MAP3K15: variants seen among roughly 807,000 people sequenced by gnomAD.
MAP3K15 encodes MAPK/ERK kinase kinase 15.
In MAP3K15, 124 loss-of-function variants were observed where a neutral mutation model predicts 99.5. The observed-to-expected ratio is 1.25, with a 90% CI of 1.08 to 1.45. MAP3K15 has a LOEUF of 1.45. Among genes scored for constraint, MAP3K15 ranks in the 40% most tolerant of loss-of-function variants. The pLI is 0.00. For synonymous variants in MAP3K15, 494 were observed against 439.6 expected (o/e 1.12, Z -1.55); for missense variants, 1,242 against 1,079.7 (o/e 1.15, Z -2.11).
At chrX:19,459,377 T>C (rs1044592683) in intron 5 of MAP3K15, among the ~76,000 whole-genome samples, 1 of 112,354 alleles carries the variant, frequency 8.9e-6, no homozygotes, top group African/African-American at 3.2e-5. Flanking sequence ...CAATGCCTAG[T>C]GTAAAGTTCA....
intron 1 of MAP3K15, among the ~76,000 whole-genome samples, chrX:19,491,792 T>C (rs1290470688): frequency 9.0e-6 from 1 of 110,560 alleles, no homozygotes; most frequent in Non-Finnish European, 1.9e-5. Context: ...CAAGCTATTC[T>C]TGTGCCTTGG....
Position 19,425,513 on chromosome X carries a change from C to T in MAP3K15, c.1439+18G>A. 3.4e-6 allele frequency: 4 copies of T among 1,181,709 alleles called. No homozygotes were observed. Among genetic ancestry groups the T allele is most frequent in the Non-Finnish European group, 4.5e-6 (4 of 884,133 alleles). On this transcript the variant is annotated intron_variant, in intron 9 of 28. Transcript: ENST00000338883. ...CATGTATTGAGATGGGTGATGACAACACACAGACACAACTCACCAGACTGG... is the reference window on the plus strand; with the variant it reads ...CATGTATTGAGATGGGTGATGACAATACACAGACACAACTCACCAGACTGG...
chrX:19,422,769 G>A (rs773591331), intron 9 of MAP3K15, among the ~76,000 whole-genome samples: 1 of 111,621 alleles, frequency 9.0e-6, no homozygotes, highest in South Asian at 3.8e-4. Flanking sequence ...CAAACACTTG[G>A]AACCAAGCCA....
chrX:19,392,488 A>G lies in MAP3K15; in HGVS notation c.2195-15T>C. On this transcript the variant is annotated splice_polypyrimidine_tract_variant and intron_variant, in intron 16 of 28. Coordinates refer to ENST00000338883, the MANE Select transcript of MAP3K15 (RefSeq NM_001001671.4). ...AGAAAGGCTTCCTAGAGACAGTCACAGCAAAAAACTTATCAGGAAGAGAAA... is the reference window on the plus strand; with the variant it reads ...AGAAAGGCTTCCTAGAGACAGTCACGGCAAAAAACTTATCAGGAAGAGAAA... 8.4e-7 allele frequency: 1 copy of G among 1,196,577 alleles called. No individual in the cohort carries two copies. The highest frequency in any genetic ancestry group is 1.1e-6 in the Non-Finnish European group (1 of 889,620).
chrX:19,452,842 C>T (rs1011865802), intron 6 of MAP3K15, among the ~76,000 whole-genome samples: 16 of 110,635 alleles, frequency 1.4e-4, no homozygotes, highest in Non-Finnish European at 3.8e-5. Context: ...ATGAGGTTTT[C>T]TTGCAATTTT....
intron 16 of MAP3K15, 109 bp from the exon 17 acceptor site, chrX:19,392,582 C>T: frequency 1.3e-6 from 1 of 777,307 alleles, no homozygotes; most frequent in Non-Finnish European, 1.9e-6. Context: ...CTTACACCAA[C>T]ACCATCGGAT....
intron 9 of MAP3K15, among the ~76,000 whole-genome samples, chrX:19,416,564 T>C (rs1262881824): frequency 1.8e-5 from 2 of 111,423 alleles, no homozygotes; most frequent in African/African-American, 3.3e-5. Context: ...AGAAAAGTCA[T>C]GACATTACCA....
At chrX:19,364,238 C>T (rs765959204) in intron 25 of MAP3K15, among the ~76,000 whole-genome samples, 12 of 112,128 alleles carry the variant, frequency 1.1e-4, no homozygotes, top group Non-Finnish European at 1.7e-4. Context: ...CTCCTGAAAC[C>T]CAGTCTTGCT....
chrX:19,498,850 T>C (rs2064423611), intron 1 of MAP3K15, among the ~76,000 whole-genome samples: 1 of 111,920 alleles, frequency 8.9e-6, no homozygotes, highest in African/African-American at 3.2e-5. Context: ...GAAGAACACA[T>C]AAAAGAGTTC....
At chrX:19,398,930 A>T (rs892236249) in intron 14 of MAP3K15, among the ~76,000 whole-genome samples, 4 of 112,188 alleles carry the variant, frequency 3.6e-5, no homozygotes, top group African/African-American at 1.3e-4. Context: ...AAGCTGTCAC[A>T]TACAGATGCA....
intron 12 of MAP3K15, among the ~76,000 whole-genome samples, chrX:19,408,046 A>C (rs1373023679): frequency 8.9e-6 from 1 of 112,566 alleles, no homozygotes; most frequent in Non-Finnish European, 1.9e-5. Flanking sequence ...CATGACAAAC[A>C]CTGGGTTGGA....
In MAP3K15 at chrX:19,429,760, AAGAGAG is replaced by A. The variant is rs369383239; in HGVS notation, c.1166+1672_1166+1677del. On this transcript the variant is annotated intron_variant, in intron 7 of 28. Coordinates refer to ENST00000338883, the MANE Select transcript of MAP3K15 (RefSeq NM_001001671.4). ...CAGAGCCTCCTGTGTGTATGAAAGG[AAGAGAG>A]AGAGAGAGAGAGAGAGAGAGAGAGA... 4.6e-3 allele frequency among the ~76,000 whole-genome samples: 154 copies of A among 33,120 alleles called. 3 individuals are homozygous for A. The highest frequency in any genetic ancestry group is 6.9e-3 in the Non-Finnish European group (91 of 13,194). 28.8% of individuals were successfully genotyped at this position (33,120 alleles called of 115,157 possible). A position where few individuals can be genotyped will look rare whatever the true frequency, so the allele number is the denominator to read the frequency against.
chrX:19,509,893 T>C (rs888755161), intron 1 of MAP3K15, among the ~76,000 whole-genome samples: 11 of 110,643 alleles, frequency 9.9e-5, no homozygotes, highest in Non-Finnish European at 1.1e-4. Flanking sequence ...ATAGACACAA[T>C]AGAAAATGAT....
chrX:19,387,744 A>G (rs761371454), intron 18 of MAP3K15, among the ~76,000 whole-genome samples: 16 of 111,737 alleles, frequency 1.4e-4, no homozygotes, highest in Non-Finnish European at 2.3e-4. Context: ...GGGCTGCCCA[A>G]TAAAAAAATA....
intron 19 of MAP3K15, among the ~76,000 whole-genome samples, chrX:19,378,226 C>G (rs1036592996): frequency 8.9e-6 from 1 of 112,534 alleles, no homozygotes; most frequent in African/African-American, 3.2e-5. Flanking sequence ...GCGGCCTCAT[C>G]ATCCATAAGC....
At chrX:19,452,803 T>C (rs1286436293) in intron 6 of MAP3K15, among the ~76,000 whole-genome samples, 3 of 111,824 alleles carry the variant, frequency 2.7e-5, no homozygotes, top group Non-Finnish European at 5.6e-5. Context: ...TGCAGCCCAA[T>C]ACCAATGCGT....
chrX:19,466,320 C>T (rs750711283), intron 3 of MAP3K15, among the ~76,000 whole-genome samples: 67 of 111,933 alleles, frequency 6.0e-4, no homozygotes, highest in Non-Finnish European at 8.8e-4. Flanking sequence ...CAAATCTCAT[C>T]TTGAATTGTA....
At chrX:19,367,723 A>ACTTTTTTT (rs2063344451) in intron 25 of MAP3K15, among the ~76,000 whole-genome samples, 1 of 24,107 alleles carries the variant, frequency 4.1e-5, no homozygotes, top group African/African-American at 1.3e-4. Flanking sequence ...ATAACTATGG[A>ACTTTTTTT]TTTTTTTTTT....
At position 19,510,358 on chromosome X, in the gene MAP3K15, C is replaced by G. The variant is rs146126460; in HGVS notation, c.361+4543G>C. Among the ~76,000 whole-genome samples the G allele has an allele frequency of 5.4e-3, 604 of 111,948 alleles. 4 individuals are homozygous for G. Among genetic ancestry groups the G allele is most frequent in the African/African-American group, 0.017 (513 of 30,847 alleles). On this transcript the variant is annotated intron_variant, in intron 1 of 28. Transcript: ENST00000338883. ...AAAAGCTTATCCACCATGATCAAGT[C>G]GGCTTCATCCCTGAATGCAAGGCTG...
Sources: gnomAD v4.1 joint callset for allele counts (sites outside exome capture counted in the v4.1 genomes callset) on GRCh38, gnomAD v4.1.1 for gene constraint, MANE v1.5 for transcripts, NCBI Gene and HGNC (gene_info 2026-07-23, HGNC 2026-07-21) for gene names.